The following GLIS3 variants were observed in gnomAD, a reference collection of about 807,000 sequenced individuals.
The protein encoded by GLIS3 is GLIS family zinc finger 3, also known as zinc finger protein GLIS3.
Under a neutral mutation model 78.6 loss-of-function variants are expected in GLIS3, and 53 were observed. The observed-to-expected ratio is 0.67, with a 90% confidence interval of 0.54 to 0.85. The LOEUF (loss-of-function observed/expected upper bound fraction) is 0.85, where lower values mean the gene tolerates loss of function less well. Among genes scored for constraint, GLIS3 ranks in the 40% least tolerant of loss-of-function variants. The probability of loss-of-function intolerance (pLI) is 0.00; values close to 1 mark genes in which losing one functional copy is unlikely to be tolerated. For missense variants in GLIS3, 1,703 were observed against 1,231.1 expected (o/e 1.38, Z -5.74); for synonymous variants, 684 against 509.9 (o/e 1.34, Z -4.60).
upstream of GLIS3, among the ~76,000 whole-genome samples, chr9:4,304,263 A>G (rs1474632906): frequency 6.6e-6 from 1 of 152,254 alleles, no homozygotes; most frequent in Non-Finnish European, 1.5e-5. Flanking sequence ...CTTGTTATCA[A>G]TGTCAGATGA....
intron 7 of GLIS3, among the ~76,000 whole-genome samples, chr9:3,893,819 A>G (rs112744049): frequency 0.062 from 9,388 of 152,098 alleles, 406 homozygotes; most frequent in African/African-American, 0.11. Flanking sequence ...CGCTGGGGGT[A>G]GGGCCCAGCA....
At chr9:3,921,192 A>G (rs1046801366) in intron 6 of GLIS3, among the ~76,000 whole-genome samples, 1 of 152,216 alleles carries the variant, frequency 6.6e-6, no homozygotes, top group Non-Finnish European at 1.5e-5. Context: ...GACAGTTGAA[A>G]TTGTATTCAG....
intron 6 of GLIS3, among the ~76,000 whole-genome samples, chr9:3,926,231 T>TTG (rs1486416356): frequency 8.4e-6 from 1 of 118,396 alleles, no homozygotes; most frequent in Non-Finnish European, 1.9e-5. Context: ...GCTTTTTCTT[T>TTG]TGTTTTTTTT....
chr9:3,959,111 G>A (rs2120973), intron 4 of GLIS3, among the ~76,000 whole-genome samples: 51 of 152,304 alleles, frequency 3.3e-4, no homozygotes, highest in African/African-American at 1.2e-3. Context: ...CACCCTCTAA[G>A]GTGATGGTAT....
At position 4,284,744 on chromosome 9, in the gene GLIS3, C is replaced by CA. The variant is rs796997240; in HGVS notation, c.388+1293dup. ...TGAGCAACATAACGAAATCCTGTCT[C>CA]AAAAAAAAAAAAAGAAAAAAAAAAT... On this transcript the variant is annotated intron_variant, in intron 2 of 10. Coordinates refer to ENST00000381971, the MANE Select transcript of GLIS3 (RefSeq NM_001042413.2). Among the ~76,000 whole-genome samples, 1,058 of 123,880 alleles carry CA rather than the reference C, an allele frequency of 8.5e-3. 5 individuals carry two copies. The highest frequency in any genetic ancestry group is 0.012 in the South Asian group (47 of 3,906). The allele number at this position is 123,880 out of a possible 152,430, so 81.3% of individuals were successfully genotyped here.
the GLIS3 span, among the ~76,000 whole-genome samples, chr9:4,445,679 G>A: frequency 6.6e-6 from 1 of 152,052 alleles, no homozygotes; most frequent in African/African-American, 2.4e-5. Context: ...TAGATTTAAG[G>A]GCTGAGAAAA....
Position 3,882,989 on chromosome 9 carries a change from C to T in GLIS3, c.2129-3394G>A, listed in dbSNP as rs147712767. Among the ~76,000 whole-genome samples, 30 of 152,258 alleles carry T rather than the reference C, an allele frequency of 2.0e-4. No individual in the cohort carries two copies. The Middle Eastern group carries it at 0.014, about 69-fold the overall frequency. On this transcript the variant is annotated intron_variant, in intron 7 of 10. Transcript: ENST00000381971. Reference sequence around the variant, plus strand: ...CCAGGCCATGACTGCTCATTGTAGACGTTGCTTGTGACCAAGATGATGACC... The same window carrying T: ...CCAGGCCATGACTGCTCATTGTAGATGTTGCTTGTGACCAAGATGATGACC...
At chr9:4,002,608 T>C (rs1409271544) in intron 4 of GLIS3, among the ~76,000 whole-genome samples, 2 of 152,172 alleles carry the variant, frequency 1.3e-5, no homozygotes, top group South Asian at 2.1e-4. Flanking sequence ...ACAGAGGCTA[T>C]TGATTGGTCA....
chr9:4,237,949 T>G (rs1822925667), intron 2 of GLIS3, among the ~76,000 whole-genome samples: 1 of 152,202 alleles, frequency 6.6e-6, no homozygotes, highest in Non-Finnish European at 1.5e-5. Flanking sequence ...ATGAATCCTT[T>G]CCATGTTCCC....
At chr9:4,399,938 C>T in the GLIS3 span, among the ~76,000 whole-genome samples, 2 of 152,094 alleles carry the variant, frequency 1.3e-5, no homozygotes, top group South Asian at 2.1e-4. Flanking sequence ...GTGGTCTTTT[C>T]AATACAGCAT....
intron 4 of GLIS3, among the ~76,000 whole-genome samples, chr9:4,085,794 C>T (rs1014633492): frequency 5.9e-5 from 9 of 152,160 alleles, no homozygotes; most frequent in African/African-American, 2.2e-4. Context: ...CTTGCTCCTG[C>T]TTTTGCTAAG....
At chr9:4,417,247 C>T in the GLIS3 span, among the ~76,000 whole-genome samples, 26 of 152,118 alleles carry the variant, frequency 1.7e-4, no homozygotes, top group Admixed American at 5.2e-4. Flanking sequence ...AAATGACTCA[C>T]GGTTAACATG....
chr9:4,463,931 C>G, the GLIS3 span, among the ~76,000 whole-genome samples: 3 of 152,094 alleles, frequency 2.0e-5, no homozygotes, highest in African/African-American at 7.2e-5. Flanking sequence ...TGAGTGAGAA[C>G]TGAGGGAGGA....
At chr9:3,963,787 A>G (rs1817738039) in intron 4 of GLIS3, among the ~76,000 whole-genome samples, 1 of 152,112 alleles carries the variant, frequency 6.6e-6, no homozygotes, top group African/African-American at 2.4e-5. Flanking sequence ...TCACCGAGAC[A>G]CCAAGGATGA....
At chr9:4,320,438 T>C (rs1220034799) in intron 2 of GLIS3, among the ~76,000 whole-genome samples, 1 of 152,202 alleles carries the variant, frequency 6.6e-6, no homozygotes, top group Non-Finnish European at 1.5e-5. Flanking sequence ...CCATCCCCAC[T>C]TTATTGCCAA....
chr9:3,936,995 G>C (rs565284643), intron 5 of GLIS3, 33 bp downstream of exon 5: 11 of 1,611,858 alleles, frequency 6.8e-6, no homozygotes, highest in Admixed American at 1.7e-5. Context: ...CCAGGCGCTG[G>C]GTTGGAAACT....
intron 2 of GLIS3, among the ~76,000 whole-genome samples, chr9:4,160,469 G>C (rs1052628503): frequency 2.6e-5 from 4 of 152,236 alleles, no homozygotes; most frequent in African/African-American, 7.2e-5. Flanking sequence ...CGGCAGGCCT[G>C]GCATAGCTTG....
intron 2 of GLIS3, among the ~76,000 whole-genome samples, chr9:4,274,667 G>C (rs559055640): frequency 3.3e-5 from 5 of 152,180 alleles, no homozygotes; most frequent in Non-Finnish European, 7.3e-5. Context: ...AAATTATTAA[G>C]AATGCCAAGA....
chr9:4,445,186 G>A, the GLIS3 span, among the ~76,000 whole-genome samples: 1 of 152,162 alleles, frequency 6.6e-6, no homozygotes, highest in Admixed American at 6.5e-5. Context: ...TATTCATGTG[G>A]TCAATCAGGA....
Sources: allele counts gnomAD v4.1 joint callset (sites outside exome capture counted in the v4.1 genomes callset), GRCh38; gene constraint gnomAD v4.1.1; transcripts MANE v1.5; gene names NCBI Gene and HGNC (gene_info 2026-07-23, HGNC 2026-07-21).